TEK: variants seen among roughly 807,000 people sequenced by gnomAD.
TEK encodes the protein angiopoietin-1 receptor.
TEK carries 43 observed loss-of-function variants against 131.8 expected under a neutral mutation model. The ratio of observed to expected loss-of-function variants is 0.33; its 90% CI spans 0.26 to 0.42. The LOEUF (loss-of-function observed/expected upper bound fraction) is 0.42. Ranked by LOEUF, TEK falls within the 10% of genes least tolerant of loss-of-function variation. The pLI is 1.00. For synonymous variants in TEK, 580 were observed against 491.6 expected (o/e 1.18, Z -2.38); for missense variants, 1,162 against 1,384.4 (o/e 0.84, Z 2.55).
At chr9:27,218,489 TCTGTCAAGCTCCACAACAA>T (rs1341542129) in intron 19 of TEK, among the ~76,000 whole-genome samples, 1 of 152,154 alleles carries the variant, frequency 6.6e-6, no homozygotes, top group African/African-American at 2.4e-5. Context: ...TTAACTCAGA[TCTGTCAAGCTCCACAACAA>T]ATTTCATCTG....
At chr9:27,196,437 G>T (rs622477) in intron 11 of TEK, among the ~76,000 whole-genome samples, 117,274 of 152,122 alleles carry the variant, frequency 0.77, 45,688 homozygotes, top group African/African-American at 0.85. Flanking sequence ...CTTATGAGGT[G>T]GTATCTTATT....
Position 27,185,547 on chromosome 9 carries a change from C to T in TEK, c.1245C>T (p.Leu415=). The T allele has an allele frequency of 6.2e-7, 1 of 1,613,734 alleles. No individual in the cohort carries two copies. The highest frequency in any genetic ancestry group is 8.5e-7 in the Non-Finnish European group (1 of 1,179,732). Residue 415 remains leucine (L), a synonymous_variant, in exon 9 of 23, where the codon CTC becomes CTT. Transcript: ENST00000380036. ...SVAIFTIHRI[L]PPDSGVWVCS... ...CCATATTCACCATCCACCGGATCCT[C>T]CCCCCTGACTCAGGAGTTTGGGTCT...
At chr9:27,137,402 A>AG (rs1195284485) in intron 1 of TEK, among the ~76,000 whole-genome samples, 1 of 152,156 alleles carries the variant, frequency 6.6e-6, no homozygotes, top group African/African-American at 2.4e-5. Flanking sequence ...TTCACATGTA[A>AG]GGAGTAGTTT....
At chr9:27,118,557 C>T (rs1419669018) in intron 1 of TEK, among the ~76,000 whole-genome samples, 1 of 152,174 alleles carries the variant, frequency 6.6e-6, no homozygotes, top group African/African-American at 2.4e-5. Context: ...TCGCTTTAGC[C>T]TGGGGGTTTT....
chr9:27,189,154 A>C (rs1045679015), intron 9 of TEK, among the ~76,000 whole-genome samples: 1 of 152,190 alleles, frequency 6.6e-6, no homozygotes, highest in Non-Finnish European at 1.5e-5. Flanking sequence ...ATTTCTAAGA[A>C]GGCTGGGCCA....
At chr9:27,134,260 CTTGG>C (rs1822333089) in intron 1 of TEK, among the ~76,000 whole-genome samples, 1 of 152,164 alleles carries the variant, frequency 6.6e-6, no homozygotes, top group East Asian at 1.9e-4. Flanking sequence ...ATTGTATGTA[CTTGG>C]ATTAGAGAGT....
In TEK at chr9:27,212,988, C is replaced by T. The variant is rs1825690842; in HGVS notation, c.2877+91C>T. The stretch of plus-strand genomic sequence containing the variant: ...ATGTTTGTAGGGTCTGTCAACCTCT[C>T]TTCTTTAACTCCTTCTTAAAATCTC... On this transcript the variant is annotated intron_variant, in intron 17 of 22. Transcript: ENST00000380036. 3.0e-6 allele frequency: 4 copies of T among 1,337,876 alleles called. No individual in the cohort carries two copies. The Admixed American group carries it at 7.9e-5, about 26-fold the overall frequency. 82.9% of individuals were successfully genotyped at this position (1,337,876 alleles called of 1,614,324 possible).
chr9:27,135,333 C>T (rs1423427985), intron 1 of TEK, among the ~76,000 whole-genome samples: 2 of 151,868 alleles, frequency 1.3e-5, no homozygotes, highest in African/African-American at 2.4e-5. Flanking sequence ...TAAAAAATGC[C>T]ACCACAAACA....
chr9:27,188,833 A>G (rs2152065), intron 9 of TEK, among the ~76,000 whole-genome samples: 45,804 of 152,032 alleles, frequency 0.3, 7,113 homozygotes, highest in African/African-American at 0.36. Flanking sequence ...ATAAACAGTG[A>G]GCAAATAAAT....
intron 2 of TEK, 101 bp downstream of exon 2, chr9:27,158,243 G>A: frequency 7.6e-7 from 1 of 1,316,852 alleles, no homozygotes; most frequent in South Asian, 1.2e-5. Flanking sequence ...TGCACTACCT[G>A]AATGTAGAGC....
At chr9:27,132,937 A>G (rs1012860748) in intron 1 of TEK, among the ~76,000 whole-genome samples, 1 of 152,172 alleles carries the variant, frequency 6.6e-6, no homozygotes, top group African/African-American at 2.4e-5. Context: ...TTTGGTAATT[A>G]TTACCTTTAA....
intron 16 of TEK, 112 bp downstream of exon 16, chr9:27,209,343 G>A: frequency 1.2e-6 from 1 of 812,312 alleles, no homozygotes; most frequent in South Asian, 1.4e-5. Context: ...TTTTTTTAAA[G>A]TTGCATCTTC....
At position 27,191,138 on chromosome 9, in the gene TEK, A is replaced by T. The variant is rs148411095; in HGVS notation, c.1489+448A>T. Among the ~76,000 whole-genome samples, 8 of 152,084 alleles carry T rather than the reference A, an allele frequency of 5.3e-5. No homozygotes were observed. In the East Asian group the frequency reaches 1.6e-3, roughly 30 times the overall value. On this transcript the variant is annotated intron_variant, in intron 10 of 22. Coordinates refer to ENST00000380036, the MANE Select transcript of TEK (RefSeq NM_000459.5). Reference sequence around the variant, plus strand: ...AGTTGTTTATTCCTTTTCTCATTTCATGTCTTGCCCTGTCCTGCAGACTCT... The same window carrying T: ...AGTTGTTTATTCCTTTTCTCATTTCTTGTCTTGCCCTGTCCTGCAGACTCT...
intron 1 of TEK, among the ~76,000 whole-genome samples, chr9:27,139,539 G>C (rs1391963858): frequency 2.0e-5 from 3 of 151,818 alleles, no homozygotes; most frequent in Non-Finnish European, 2.9e-5. Flanking sequence ...TGCCAGGCTA[G>C]TCTTGAACTC....
intron 2 of TEK, among the ~76,000 whole-genome samples, chr9:27,162,709 C>A (rs1371001439): frequency 1.3e-5 from 2 of 151,812 alleles, no homozygotes; most frequent in African/African-American, 2.4e-5. Context: ...TTTCATTCCA[C>A]AATTTTTCTT....
At chr9:27,163,484 G>A (rs948135843) in intron 2 of TEK, among the ~76,000 whole-genome samples, 3 of 152,164 alleles carry the variant, frequency 2.0e-5, no homozygotes, top group Non-Finnish European at 4.4e-5. Context: ...TGAGGCTGAG[G>A]AGAAAAGGAG....
chr9:27,217,745 A>C lies in TEK; in HGVS notation c.3049A>C (p.Thr1017Pro), dbSNP rs776718341. 6.2e-7 allele frequency: 1 copy of C among 1,613,390 alleles called. No individual in the cohort carries two copies. The highest frequency in any genetic ancestry group is 8.5e-7 in the Non-Finnish European group (1 of 1,179,702). The change falls in exon 19 of 23, where the codon ACC becomes CCC. Residue 1017 changes from threonine to proline, a missense_variant. By Grantham distance (38) the Thr-to-Pro change is conservative (BLOSUM62 -1). Around this residue, in one of 6 missense-constraint regions of TEK, gnomAD observed 107 missense variants for 173.9 expected, o/e 0.62. Transcript: ENST00000380036. ...IESLNYSVYT[T>P]NSDVWSYGVL... ...GTCACTGAATTACAGTGTGTACACA[A>C]CCAACAGTGATGTGTGAGTAAACTT...
rs914854088 is a variant in TEK, at chr9:27,197,216, A to G, written c.1625-99A>G. 2.3e-5 allele frequency: 32 copies of G among 1,363,760 alleles called. No homozygotes were observed. In the Admixed American group the frequency reaches 3.7e-4, roughly 16 times the overall value. The allele number at this position is 1,363,760 out of a possible 1,614,324, so 84.5% of individuals were successfully genotyped here. On this transcript the variant is annotated intron_variant, in intron 11 of 22. Transcript: ENST00000380036. ...CACCTCCCACCAGGCCCCACCTCCAACACTGGGGATTACATTTCAGTATGA... is the reference window on the plus strand; with the variant it reads ...CACCTCCCACCAGGCCCCACCTCCAGCACTGGGGATTACATTTCAGTATGA...
intron 1 of TEK, among the ~76,000 whole-genome samples, chr9:27,129,813 A>T (rs946482249): frequency 6.6e-6 from 1 of 152,206 alleles, no homozygotes; most frequent in African/African-American, 2.4e-5. Context: ...TAAAGACCCT[A>T]GACCAGGCTC....
Sources: gnomAD v4.1 joint callset for allele counts (sites outside exome capture counted in the v4.1 genomes callset) on GRCh38, gnomAD v4.1.1 for gene constraint, gnomAD v4.1.1 regional missense constraint, MANE v1.5 for transcripts, NCBI Gene and HGNC (gene_info 2026-07-23, HGNC 2026-07-21) for gene names.